Variants in SVEP1 observed in about 807,000 individuals in gnomAD.
SVEP1 encodes the protein sushi, von Willebrand factor type A, EGF and pentraxin domain containing 1, also known as sushi, von Willebrand factor type A, EGF and pentraxin domain-containing protein 1.
SVEP1 carries 164 observed loss-of-function variants against 367.3 expected under a neutral mutation model. The ratio of observed to expected loss-of-function variants is 0.45; its 90% confidence interval spans 0.39 to 0.51. The LOEUF is 0.51. Ranked by LOEUF, SVEP1 falls within the 20% of genes least tolerant of loss-of-function variation. The probability of loss-of-function intolerance (pLI) is 0.00; values close to 1 mark genes in which losing one functional copy is unlikely to be tolerated. For missense variants in SVEP1, 4,117 were observed against 4,425.3 expected, an observed-to-expected ratio of 0.93 and a Z score of 1.98; for synonymous variants, 1,666 against 1,611.6, an observed-to-expected ratio of 1.03 and a Z score of -0.81.
intron 1 of SVEP1, among the ~76,000 whole-genome samples, chr9:110,561,681 T>A (rs766356897): frequency 6.9e-4 from 105 of 152,328 alleles, no homozygotes; most frequent in Middle Eastern, 6.8e-3. Context: ...ACCAATTGTA[T>A]TATTTGATGA....
chr9:110,555,197 T>C (rs527755867), intron 1 of SVEP1, among the ~76,000 whole-genome samples: 103 of 152,128 alleles, frequency 6.8e-4, no homozygotes, highest in Non-Finnish European at 7.5e-4. Context: ...CGTGAGAATT[T>C]TCCTAGAAAG....
chr9:110,375,472 A>AAAAG lies in SVEP1; in HGVS notation c.10505-10_10505-9insCTTT. The AAAAG allele has an allele frequency of 6.8e-7, 1 of 1,462,094 alleles. No homozygotes were observed. Among genetic ancestry groups the AAAAG allele is most frequent in the Non-Finnish European group, 9.2e-7 (1 of 1,092,178 alleles). 90.6% of individuals were successfully genotyped at this position (1,462,094 alleles called of 1,614,324 possible). ...GGGAAGAATGCAGATTGCTAAAAAA[A>AAAAG]AAAAAAAAAAAAAAAAAAGGAGGCA... On this transcript the variant is annotated splice_polypyrimidine_tract_variant and intron_variant, in intron 45 of 47. Coordinates refer to ENST00000374469, the MANE Select transcript of SVEP1 (RefSeq NM_153366.4).
At chr9:110,377,136 T>G (rs1200799867) in intron 45 of SVEP1, 135 bp downstream of exon 45, 1 of 629,306 alleles carries the variant, frequency 1.6e-6, no homozygotes, top group Non-Finnish European at 2.7e-6. Flanking sequence ...ACATATGTGC[T>G]CTGTTTGGTG....
rs1256099388 is a variant in SVEP1, at chr9:110,481,297, A to C, written c.2310T>G (p.Ala770=). 1.9e-6 allele frequency: 3 copies of C among 1,608,228 alleles called. No homozygotes were observed. The highest frequency in any genetic ancestry group is 1.3e-5 in the African/African-American group (1 of 74,804). The change falls in exon 12 of 48, where the codon GCT becomes GCG. Residue 770 remains alanine (A), a synonymous_variant. Coordinates refer to ENST00000374469, the MANE Select transcript of SVEP1 (RefSeq NM_153366.4). ...TEGSTDKYYC[A]YEDGVWKPTY... ...TTGGTTTCCAGACGCCATCTTCATA[A>C]GCACAATAATACTTGTCAGTAGACC...
Position 110,579,398 on chromosome 9 carries a change from G to A in SVEP1, c.146C>T (p.Pro49Leu), listed in dbSNP as rs1830666026. Residue 49 changes from proline (P) to leucine (L), a missense_variant, in exon 1 of 48, where the codon CCG becomes CTG. Pro to Leu is a moderately conservative substitution (Grantham distance 98). This residue lies in a region of SVEP1 where 161 missense variants were observed against 122.4 expected (regional missense o/e 1.32). Transcript: ENST00000374469. This position sits in a 1 kb window ranked among gnomAD's most constrained non-coding sequence, Gnocchi z 5.3. The stretch of plus-strand genomic sequence containing the variant: ...CGCCGCTTCGTCGCCAGGAGCGGGC[G>A]GCGCGGGGATACTCCCGGGGGCCCC... ...APGAPGSIPA[P>L]PAPGDEAAGS... The A allele has an allele frequency of 6.4e-7, 1 of 1,572,406 alleles. No homozygotes were observed. Among genetic ancestry groups the A allele is most frequent in the African/African-American group, 1.4e-5 (1 of 73,930 alleles).
chr9:110,424,071 C>T (rs1828215692), intron 36 of SVEP1, among the ~76,000 whole-genome samples: 2 of 152,328 alleles, frequency 1.3e-5, no homozygotes, highest in South Asian at 2.1e-4. Flanking sequence ...GGTATGGTCA[C>T]TCCTGGGAGC....
At chr9:110,527,808 C>T (rs1192083737) in intron 3 of SVEP1, among the ~76,000 whole-genome samples, 1 of 151,592 alleles carries the variant, frequency 6.6e-6, no homozygotes, top group Admixed American at 6.6e-5. Flanking sequence ...ATATCATACA[C>T]AATTATAAAA....
intron 27 of SVEP1, among the ~76,000 whole-genome samples, chr9:110,440,457 G>A (rs1290796563): frequency 6.6e-6 from 1 of 152,128 alleles, no homozygotes; most frequent in African/African-American, 2.4e-5. Flanking sequence ...ATGTGCTGTC[G>A]ACAATACCAG....
intron 7 of SVEP1, among the ~76,000 whole-genome samples, chr9:110,497,504 T>C (rs1257659210): frequency 6.6e-6 from 1 of 152,234 alleles, no homozygotes. Context: ...CTGTCTTATA[T>C]GGTACCTGAC....
At position 110,408,691 on chromosome 9, in the gene SVEP1, T is replaced by G; in HGVS notation, c.6909A>C (p.Thr2303=). Reference sequence around the variant, plus strand: ...TATTCCATTTGCCAGATTTCTGACATGTCCAAGAACTGTCACCAACAAGCT... The same window carrying G: ...TATTCCATTTGCCAGATTTCTGACAGGTCCAAGAACTGTCACCAACAAGCT... ...GYELVGDSSW[T]CQKSGKWNKK... is the part of the protein sequence containing the mutation. Residue 2303 remains threonine, a synonymous_variant, in exon 38 of 48, where the codon ACA becomes ACC. Coordinates refer to ENST00000374469, the MANE Select transcript of SVEP1 (RefSeq NM_153366.4). 1 of 1,614,024 alleles carries G rather than the reference T, an allele frequency of 6.2e-7. No homozygotes were observed. Among genetic ancestry groups the G allele is most frequent in the Non-Finnish European group, 8.5e-7 (1 of 1,179,888 alleles).
chr9:110,387,538 TTTCATGGAATA>T (rs1490092818), intron 41 of SVEP1, 80 bp from the exon 42 acceptor site: 3 of 1,378,642 alleles, frequency 2.2e-6, no homozygotes, highest in Non-Finnish European at 1.9e-6. Flanking sequence ...GCCAAAGATA[TTTCATGGAATA>T]TATAAAATAT....
rs1827251769 is a variant in SVEP1 at position 110,369,928 on chromosome 9, A to G, written c.10689T>C (p.Cys3563=). ...HCLSSWTGHN[C]SRKRRTGF Reference sequence around the variant, plus strand: ...TTAGTTTTTGGTTATCTTACCTGGAACAGTTATGTCCCGTCCAAGAAGAAA... The same window carrying G: ...TTAGTTTTTGGTTATCTTACCTGGAGCAGTTATGTCCCGTCCAAGAAGAAA... Residue 3563 remains cysteine (C), a synonymous_variant, in exon 47 of 48, where the codon TGT becomes TGC. Coordinates refer to ENST00000374469, the MANE Select transcript of SVEP1 (RefSeq NM_153366.4). 6.2e-7 allele frequency: 1 copy of G among 1,611,778 alleles called. No homozygotes were observed.
chr9:110,406,865 T>A lies in SVEP1; in HGVS notation c.8735A>T (p.Glu2912Val). The change falls in exon 38 of 48, where the codon GAA (glutamate) becomes GTA (valine). Residue 2912 changes from glutamate (E) to valine (V), a missense_variant. This residue lies in a region of SVEP1 where 1,765 missense variants were observed against 1,781.1 expected (regional missense o/e 0.99). Coordinates refer to ENST00000374469, the MANE Select transcript of SVEP1 (RefSeq NM_153366.4). The stretch of plus-strand genomic sequence containing the variant: ...GCCCTCGTGACAGTGGAATGTTACT[T>A]CCTTCATGAAGCCATAGTCCAGGCC... The part of the protein sequence containing the change: ...TEGLDYGFMK[E>V]VTFHCHEGYI... The A allele has an allele frequency of 6.2e-7, 1 of 1,613,934 alleles. No homozygotes were observed. The highest frequency in any genetic ancestry group is 8.5e-7 in the Non-Finnish European group (1 of 1,179,874).
chr9:110,369,702 A>G, intron 47 of SVEP1: 1 of 523,118 alleles, frequency 1.9e-6, no homozygotes, highest in South Asian at 2.7e-5. Context: ...TGAGCACAAG[A>G]CTGCTTATTT....
rs995987403 is a variant in SVEP1 at position 110,579,264 on chromosome 9, C to T, written c.280G>A (p.Val94Met). The change falls in exon 1 of 48, where the codon GTG becomes ATG. Residue 94 changes from valine to methionine, a missense_variant. Val to Met is a conservative substitution (Grantham distance 21). Coordinates refer to ENST00000374469, the MANE Select transcript of SVEP1 (RefSeq NM_153366.4). The surrounding 1 kb of genome is among the most constrained non-coding windows in gnomAD (Gnocchi z 5.3). ...LVFLVDDSSS[V>M]GEVNFRSELM... is the part of the protein sequence containing the mutation. ...TCGCTGCGGAAGTTGACTTCGCCCA[C>T]GCTGGACGAATCATCCACCAGGAAG... 1.9e-6 allele frequency: 3 copies of T among 1,571,944 alleles called. No homozygotes were observed. The highest frequency in any genetic ancestry group is 2.6e-6 in the Non-Finnish European group (3 of 1,159,990).
chr9:110,375,465 TAAAAAAAAAAAAAAA>T lies in SVEP1; in HGVS notation c.10505-17_10505-3del, dbSNP rs71373993. ...TCAGACAGGGAAGAATGCAGATTGC[TAAAAAAAAAAAAAAA>T]AAAAAAAAAAGGAGGCAGGGGGGAT... On this transcript the variant is annotated splice_region_variant and splice_polypyrimidine_tract_variant and intron_variant, in intron 45 of 47. Transcript: ENST00000374469. The T allele has an allele frequency of 9.0e-6, 5 of 557,880 alleles. No individual in the cohort carries two copies. Among genetic ancestry groups the T allele is most frequent in the East Asian group, 3.8e-5 (1 of 26,074 alleles). 34.6% of individuals were successfully genotyped at this position (557,880 alleles called of 1,614,324 possible).
chr9:110,430,217 G>A lies in SVEP1; in HGVS notation c.5530+57C>T, dbSNP rs372554138. On this transcript the variant is annotated intron_variant, in intron 33 of 47. Transcript: ENST00000374469. Reference sequence around the variant, plus strand: ...ACAACATAACACTTCATATGTCTACGCCTTACCTTTCTAGGATTGCCAAAC... The same window carrying A: ...ACAACATAACACTTCATATGTCTACACCTTACCTTTCTAGGATTGCCAAAC... 1.4e-5 allele frequency: 22 copies of A among 1,525,966 alleles called. No individual in the cohort carries two copies. The Admixed American group carries it at 1.6e-4, about 11-fold the overall frequency. The allele number at this position is 1,525,966 out of a possible 1,614,324, so 94.5% of individuals were successfully genotyped here.
At chr9:110,461,637 A>G (rs1489285012) in intron 18 of SVEP1, among the ~76,000 whole-genome samples, 1 of 152,194 alleles carries the variant, frequency 6.6e-6, no homozygotes, top group Non-Finnish European at 1.5e-5. Flanking sequence ...AGACATGTAG[A>G]TCAAAATTTT....
chr9:110,462,560 T>A (rs1828873048), intron 18 of SVEP1, among the ~76,000 whole-genome samples: 1 of 150,274 alleles, frequency 6.7e-6, no homozygotes, highest in Non-Finnish European at 1.5e-5. Flanking sequence ...ATACTAAACA[T>A]GTACATGTAC....
Sources: gnomAD v4.1 joint callset for allele counts (sites outside exome capture counted in the v4.1 genomes callset) on GRCh38, gnomAD v4.1.1 for gene constraint, gnomAD v4.1.1 regional missense constraint, Gnocchi (gnomAD v3.1) non-coding constraint, MANE v1.5 for transcripts, NCBI Gene and HGNC (gene_info 2026-07-23, HGNC 2026-07-21) for gene names.